The following LPP variants were observed in gnomAD, a reference collection of about 807,000 sequenced individuals.
LPP encodes LIM domain containing preferred translocation partner in lipoma, also known as lipoma-preferred partner.
In LPP, 38 loss-of-function variants were observed where a neutral mutation model predicts 60.4. The ratio of observed to expected loss-of-function variants is 0.63; its 90% confidence interval spans 0.49 to 0.83. The LOEUF (loss-of-function observed/expected upper bound fraction) is 0.83. Among genes scored for constraint, LPP ranks in the 40% least tolerant of loss-of-function variants. The pLI is 0.00. For missense variants in LPP, 902 were observed against 783.6 expected (o/e 1.15, Z -1.80); for synonymous variants, 328 against 290.8 (o/e 1.13, Z -1.30).
At chr3:188,248,468 T>TTATATATCTATATATATATATATA (rs1727815255) in intron 2 of LPP, among the ~76,000 whole-genome samples, 1 of 84,142 alleles carries the variant, frequency 1.2e-5, no homozygotes, top group Non-Finnish European at 2.2e-5. Flanking sequence ...CAGTATAACT[T>TTATATATCTATATATATATATATA]TATATATATA....
At position 188,890,294 on chromosome 3, in the gene LPP, TATG is replaced by T. The variant is rs1578145461; in HGVS notation, c.*15816_*15818del. ...CATATAAAGAATATGTCTATTTTCA[TATG>T]TGTGATACTGACAGAGCCATGGTAT... On this transcript the variant is annotated 3_prime_UTR_variant, in exon 12 of 12. Transcript: ENST00000617246. 2.9e-5 allele frequency: 6 copies of T among 208,630 alleles called. 1 individual carries two copies. In the East Asian group the frequency reaches 4.3e-4, roughly 15 times the overall value. 12.9% of individuals were successfully genotyped at this position (208,630 alleles called of 1,614,324 possible).
intron 4 of LPP, among the ~76,000 whole-genome samples, chr3:188,460,853 C>G (rs1355975178): frequency 6.6e-6 from 1 of 152,102 alleles, no homozygotes; most frequent in East Asian, 1.9e-4. Context: ...TTACTGTCCC[C>G]CAGCCAGACC....
At chr3:188,413,483 G>A (rs559869413) in intron 4 of LPP, among the ~76,000 whole-genome samples, 1 of 152,204 alleles carries the variant, frequency 6.6e-6, no homozygotes, top group African/African-American at 2.4e-5. Flanking sequence ...GAAACATCAG[G>A]AACTGTAATG....
Position 188,883,815 on chromosome 3 carries a change from A to T in LPP, c.*9336A>T. 9.3e-6 allele frequency: 2 copies of T among 215,012 alleles called. No individual in the cohort carries two copies. The highest frequency in any genetic ancestry group is 1.9e-5 in the Non-Finnish European group (2 of 106,606). The allele number at this position is 215,012 out of a possible 1,614,324, so 13.3% of individuals were successfully genotyped here. ...ACAAGGAAGAAGTCAAAAGCAAAAGATAGTGGTATTGCCGAAAACTCATTA... is the reference window on the plus strand; with the variant it reads ...ACAAGGAAGAAGTCAAAAGCAAAAGTTAGTGGTATTGCCGAAAACTCATTA... On this transcript the variant is annotated 3_prime_UTR_variant, in exon 12 of 12. Transcript: ENST00000617246.
intron 9 of LPP, among the ~76,000 whole-genome samples, chr3:188,762,346 A>T (rs755037396): frequency 1.6e-4 from 25 of 152,214 alleles, no homozygotes; most frequent in Admixed American, 8.5e-4. Context: ...GGGCCTCTTC[A>T]GGAAAAGTAG....
At chr3:188,600,628 G>A (rs968259211) in intron 6 of LPP, among the ~76,000 whole-genome samples, 2 of 151,964 alleles carry the variant, frequency 1.3e-5, no homozygotes, top group East Asian at 1.9e-4. Flanking sequence ...CATTTACATT[G>A]TTGTGCAACC....
At chr3:188,686,891 A>G (rs1160742857) in intron 7 of LPP, among the ~76,000 whole-genome samples, 3 of 152,238 alleles carry the variant, frequency 2.0e-5, no homozygotes, top group Admixed American at 2.0e-4. Flanking sequence ...AGACCTTGAT[A>G]TCAAGGATGT....
At chr3:188,815,138 C>A (rs1752125242) in intron 9 of LPP, among the ~76,000 whole-genome samples, 1 of 152,186 alleles carries the variant, frequency 6.6e-6, no homozygotes, top group Admixed American at 6.5e-5. Context: ...ATGGAAATGA[C>A]CAGAATTTAG....
intron 9 of LPP, among the ~76,000 whole-genome samples, chr3:188,864,518 GA>G (rs1212801652): frequency 6.6e-6 from 1 of 152,240 alleles, no homozygotes; most frequent in African/African-American, 2.4e-5. Context: ...AGTGCACACT[GA>G]AAGTATTGTA....
At chr3:188,716,248 G>C (rs1294065494) in intron 8 of LPP, among the ~76,000 whole-genome samples, 1 of 152,208 alleles carries the variant, frequency 6.6e-6, no homozygotes, top group Non-Finnish European at 1.5e-5. Context: ...GCATGAGGCA[G>C]CAGGGACCTA....
At position 188,609,423 on chromosome 3, in the gene LPP, G is replaced by C. The variant is rs1408155234; in HGVS notation, c.692G>C (p.Ser231Thr). Residue 231 changes from serine (S) to threonine (T), a missense_variant, in exon 7 of 12, where the codon AGC (serine) becomes ACC (threonine). By Grantham distance (58) the Ser-to-Thr change is moderately conservative (BLOSUM62 1). Coordinates refer to ENST00000617246, the MANE Select transcript of LPP (RefSeq NM_001375462.1). The surrounding 1 kb of genome is among the most constrained non-coding windows in gnomAD (Gnocchi z 6.9). ...FNVQVKSAQP[S>T]PHYMAAPSSG... ...GTGCAGGTGAAGTCAGCCCAGCCCA[G>C]CCCTCATTATATGGCTGCCCCTTCA... 9 of 1,614,002 alleles carry C rather than the reference G, an allele frequency of 5.6e-6. No homozygotes were observed. Among genetic ancestry groups the C allele is most frequent in the Admixed American group, 5.0e-5 (3 of 59,990 alleles).
At chr3:188,251,566 G>T (rs1729640850) in intron 2 of LPP, among the ~76,000 whole-genome samples, 1 of 151,820 alleles carries the variant, frequency 6.6e-6, no homozygotes, top group African/African-American at 2.4e-5. Context: ...TAAATATATG[G>T]GTGCATATAC....
At chr3:188,638,644 G>T (rs1467220950) in intron 7 of LPP, among the ~76,000 whole-genome samples, 2 of 149,074 alleles carry the variant, frequency 1.3e-5, no homozygotes, top group Non-Finnish European at 3.0e-5. Context: ...ATCTCCTTCA[G>T]CTGATAAGCA....
chr3:188,685,342 C>T (rs1860469841), intron 7 of LPP, among the ~76,000 whole-genome samples: 1 of 151,994 alleles, frequency 6.6e-6, no homozygotes. Context: ...TTGGTGTTCA[C>T]AGCCGTGAGC....
rs1409930499 is a variant in LPP, at chr3:188,879,272, C to G, written c.*4793C>G. The stretch of plus-strand genomic sequence containing the variant: ...GCTTTCTTCCTCCCTTCCTTTCTTC[C>G]TCTTCCTTCCTCCTCTTCTTATTTT... On this transcript the variant is annotated 3_prime_UTR_variant, in exon 12 of 12. Coordinates refer to ENST00000617246, the MANE Select transcript of LPP (RefSeq NM_001375462.1). The G allele has an allele frequency of 4.4e-6, 1 of 229,520 alleles. No individual in the cohort carries two copies. The highest frequency in any genetic ancestry group is 2.2e-5 in the African/African-American group (1 of 45,262). The allele number at this position is 229,520 out of a possible 1,614,324, so 14.2% of individuals were successfully genotyped here.
chr3:188,788,392 C>T (rs1324761817), intron 9 of LPP, among the ~76,000 whole-genome samples: 1 of 152,192 alleles, frequency 6.6e-6, no homozygotes, highest in Admixed American at 6.5e-5. Flanking sequence ...CCATCCCAAT[C>T]ACCTAGCCAA....
intron 1 of LPP, among the ~76,000 whole-genome samples, chr3:188,163,741 A>G (rs1457199275): frequency 1.3e-5 from 2 of 150,646 alleles, no homozygotes; most frequent in Non-Finnish European, 3.0e-5. Context: ...CAGGAGTTTG[A>G]GACCAGCCTG....
At chr3:188,265,259 A>G (rs1319820979) in intron 2 of LPP, among the ~76,000 whole-genome samples, 1 of 152,020 alleles carries the variant, frequency 6.6e-6, no homozygotes, top group Non-Finnish European at 1.5e-5. Context: ...TTTTCCGTGG[A>G]TGGCACAAAA....
intron 3 of LPP, among the ~76,000 whole-genome samples, chr3:188,399,920 A>G (rs1020211889): frequency 6.6e-6 from 1 of 152,248 alleles, no homozygotes; most frequent in African/African-American, 2.4e-5. Flanking sequence ...TGACATTCAC[A>G]TGGTATCCTG....
Sources: gnomAD v4.1 joint callset for allele counts (sites outside exome capture counted in the v4.1 genomes callset) on GRCh38, gnomAD v4.1.1 for gene constraint, Gnocchi (gnomAD v3.1) non-coding constraint, MANE v1.5 for transcripts, NCBI Gene and HGNC (gene_info 2026-07-23, HGNC 2026-07-21) for gene names.